Variants in PRKAR1B observed in about 807,000 individuals in gnomAD.
PRKAR1B encodes the protein cAMP-dependent protein kinase type I-beta regulatory subunit.
In PRKAR1B, 22 loss-of-function variants were observed where a neutral mutation model predicts 46.5. The observed-to-expected ratio is 0.47, with a 90% CI of 0.34 to 0.68. PRKAR1B has a LOEUF of 0.68. Among genes scored for constraint, PRKAR1B ranks in the 30% least tolerant of loss-of-function variants. PRKAR1B has a pLI of 0.01. For missense variants in PRKAR1B, 445 were observed against 535.6 expected, an observed-to-expected ratio of 0.83 and a Z score of 1.67; for synonymous variants, 259 against 217.7, an observed-to-expected ratio of 1.19 and a Z score of -1.67.
chr7:669,657 G>A (rs997593387), intron 4 of PRKAR1B, among the ~76,000 whole-genome samples: 7 of 151,494 alleles, frequency 4.6e-5, no homozygotes, highest in Admixed American at 2.0e-4. Flanking sequence ...TCAGCTACTC[G>A]GGAGGCTGAG....
intron 4 of PRKAR1B, among the ~76,000 whole-genome samples, chr7:627,452 CAT>C (rs1408295623): frequency 9.2e-5 from 14 of 152,228 alleles, no homozygotes; most frequent in Non-Finnish European, 1.8e-4. Flanking sequence ...GAGACTAACT[CAT>C]GACTCCCCCA....
chr7:718,255 TACACACACACACACACACACACAC>T (rs35563369), intron 1 of PRKAR1B, among the ~76,000 whole-genome samples: 2 of 139,992 alleles, frequency 1.4e-5, no homozygotes, highest in African/African-American at 5.5e-5. Context: ...GCTTTATAGA[TACACACACACACACACACACACAC>T]ACACACACAC....
chr7:673,045 T>TAAAAAAAAAAA lies in PRKAR1B; in HGVS notation c.440+4173_440+4183dup, dbSNP rs992683667. 5.3e-4 allele frequency among the ~76,000 whole-genome samples: 14 copies of TAAAAAAAAAAA among 26,550 alleles called. 2 individuals are homozygous for TAAAAAAAAAAA. Among genetic ancestry groups the TAAAAAAAAAAA allele is most frequent in the South Asian group, 7.2e-3 (2 of 276 alleles). 17.4% of individuals were successfully genotyped at this position (26,550 alleles called of 152,430 possible). A position where few individuals can be genotyped will look rare whatever the true frequency, so the allele number is the denominator to read the frequency against. ...GGGTGAGAGAGTAAGGCCTTGTCTT[T>TAAAAAAAAAAA]AAAAAAAAAAAAAAAAAAAAAAAAA... On this transcript the variant is annotated intron_variant, in intron 4 of 10. Coordinates refer to ENST00000537384, the MANE Select transcript of PRKAR1B (RefSeq NM_001164760.2).
chr7:554,564 A>C (rs1778295843), intron 9 of PRKAR1B, among the ~76,000 whole-genome samples: 1 of 152,176 alleles, frequency 6.6e-6, no homozygotes, highest in Non-Finnish European at 1.5e-5. Context: ...GTAAGGTCTA[A>C]TAAAGGCCAC....
rs535126845 is a variant in PRKAR1B, at chr7:557,494, G to A, written c.892-6024C>T. On this transcript the variant is annotated intron_variant, in intron 9 of 10. Transcript: ENST00000537384. ...GTGACAGTCCCCGTCCTGTGCCTGC[G>A]CACCCATGGACATCTGTGCCAGATG... is the stretch of plus-strand genomic sequence containing the variant. Among the ~76,000 whole-genome samples the A allele has an allele frequency of 1.8e-4, 28 of 152,298 alleles. No homozygotes were observed. In the East Asian group the frequency reaches 2.1e-3, roughly 12 times the overall value.
chr7:602,655 G>A lies in PRKAR1B; in HGVS notation c.549+3538C>T, dbSNP rs561594461. Reference sequence around the variant, plus strand: ...TGAGGACAAGCCCGGGGCGTGGGTGGTGGGCGTTTCCTCTGTGGGGTGGAC... The same window carrying A: ...TGAGGACAAGCCCGGGGCGTGGGTGATGGGCGTTTCCTCTGTGGGGTGGAC... On this transcript the variant is annotated intron_variant, in intron 6 of 10. Coordinates refer to ENST00000537384, the MANE Select transcript of PRKAR1B (RefSeq NM_001164760.2). This position sits in a 1 kb window ranked among gnomAD's most constrained non-coding sequence, Gnocchi z 6.4. 10 of 170,240 alleles carry A rather than the reference G, an allele frequency of 5.9e-5. No homozygotes were observed. In the South Asian group the frequency reaches 1.9e-3, roughly 33 times the overall value. The allele number at this position is 170,240 out of a possible 1,614,324, so 10.5% of individuals were successfully genotyped here.
chr7:622,182 C>T (rs372649183), intron 4 of PRKAR1B, among the ~76,000 whole-genome samples: 3 of 152,332 alleles, frequency 2.0e-5, no homozygotes, highest in African/African-American at 2.4e-5. Context: ...TTCTCAGAGC[C>T]GAGGCCACCT....
intron 4 of PRKAR1B, among the ~76,000 whole-genome samples, chr7:609,584 C>T (rs929754441): frequency 3.6e-4 from 55 of 152,202 alleles, no homozygotes; most frequent in Non-Finnish European, 1.2e-4. Flanking sequence ...CCGTGAAAAG[C>T]GTGCATTTCC....
At chr7:634,072 C>G (rs1783905979) in intron 4 of PRKAR1B, among the ~76,000 whole-genome samples, 1 of 152,084 alleles carries the variant, frequency 6.6e-6, no homozygotes, top group Non-Finnish European at 1.5e-5. Flanking sequence ...TCCCAGGCTG[C>G]AGTGCAATGG....
Position 588,520 on chromosome 7 carries a change from TGGTGGTGAC to T in PRKAR1B, c.709-3961_709-3953del, listed in dbSNP as rs1583255556. Among the ~76,000 whole-genome samples the T allele has an allele frequency of 2.0e-3, 253 of 125,836 alleles. 9 individuals carry two copies. The highest frequency in any genetic ancestry group is 4.0e-3 in the Middle Eastern group (1 of 250). 82.6% of individuals were successfully genotyped at this position (125,836 alleles called of 152,430 possible). ...ATAGTGACAGTGGTGATCACGATGA[TGGTGGTGAC>T]GGTGGTGATGGTGGTGACGGTGGTG... is the stretch of plus-strand genomic sequence containing the variant. On this transcript the variant is annotated intron_variant, in intron 7 of 10. Transcript: ENST00000537384.
At chr7:680,827 G>T (rs1778639396) in intron 2 of PRKAR1B, 101 bp from the exon 3 acceptor site, 9 of 1,374,420 alleles carry the variant, frequency 6.5e-6, no homozygotes, top group Non-Finnish European at 9.0e-6. Context: ...GAGGACTAGT[G>T]GGAGGATCGC....
chr7:662,146 C>A (rs1785616326), intron 4 of PRKAR1B, among the ~76,000 whole-genome samples: 1 of 112,448 alleles, frequency 8.9e-6, no homozygotes, highest in African/African-American at 3.7e-5. Flanking sequence ...CTCTTTCCCT[C>A]CATGGCACAG....
chr7:697,994 TGGAGGGGAGGGGAGGGGAGGGAAGGGAGC>T (rs1562349360), intron 2 of PRKAR1B, among the ~76,000 whole-genome samples: 1 of 15,484 alleles, frequency 6.5e-5, no homozygotes, highest in Non-Finnish European at 1.1e-4. Flanking sequence ...CGGAGGGGAG[TGGAGGGGAGGGGAGGGGAGGGAAGGGAGC>T]GGAGGGGAGG....
At chr7:588,340 T>C (rs187773631) in intron 7 of PRKAR1B, among the ~76,000 whole-genome samples, 1 of 152,326 alleles carries the variant, frequency 6.6e-6, no homozygotes, top group African/African-American at 2.4e-5. Flanking sequence ...AATGAGACCA[T>C]AAAAATCCCT....
rs1462888355 is a variant in PRKAR1B at position 666,053 on chromosome 7, C to T, written c.440+11176G>A. On this transcript the variant is annotated intron_variant, in intron 4 of 10. Transcript: ENST00000537384. This position sits in a 1 kb window ranked among gnomAD's most constrained non-coding sequence, Gnocchi z 4.9. ...CTGGCAGCTCCAGTAATGAGGTCCC[C>T]GCCGGAGGCCCAACGCACAACACAA... 2.6e-5 allele frequency among the ~76,000 whole-genome samples: 4 copies of T among 152,176 alleles called. No homozygotes were observed. Among genetic ancestry groups the T allele is most frequent in the South Asian group, 2.1e-4 (1 of 4,834 alleles).
At chr7:684,875 GAC>G (rs142305067) in intron 2 of PRKAR1B, among the ~76,000 whole-genome samples, 125 of 145,020 alleles carry the variant, frequency 8.6e-4, no homozygotes, top group Non-Finnish European at 8.7e-4. Context: ...ACTTCACACA[GAC>G]ACACACACAC....
At chr7:615,283 G>C (rs1289104893) in intron 4 of PRKAR1B, among the ~76,000 whole-genome samples, 1 of 150,930 alleles carries the variant, frequency 6.6e-6, no homozygotes, top group East Asian at 2.0e-4. Context: ...AAATTGGCTG[G>C]GCATGGTGAT....
chr7:597,554 C>T (rs951811097), intron 6 of PRKAR1B, among the ~76,000 whole-genome samples: 3 of 152,234 alleles, frequency 2.0e-5, no homozygotes, highest in Non-Finnish European at 4.4e-5. Context: ...AGAAGACGGC[C>T]GTCCTTCCAC....
At position 602,290 on chromosome 7, in the gene PRKAR1B, A is replaced by AG. The variant is rs67969471; in HGVS notation, c.549+3902dup. On this transcript the variant is annotated intron_variant, in intron 6 of 10. Coordinates refer to ENST00000537384, the MANE Select transcript of PRKAR1B (RefSeq NM_001164760.2). This position sits in a 1 kb window ranked among gnomAD's most constrained non-coding sequence, Gnocchi z 6.4. ...AGGAGTTACAGACGGCGGCGGGGGG[A>AG]GGGGGGGTCTGTCCTGCTGGAAGGA... Among the ~76,000 whole-genome samples the AG allele has an allele frequency of 2.9e-5, 4 of 140,082 alleles. No individual in the cohort carries two copies. Among genetic ancestry groups the AG allele is most frequent in the African/African-American group, 7.9e-5 (3 of 37,980 alleles). 91.9% of individuals were successfully genotyped at this position (140,082 alleles called of 152,430 possible).
Sources: gnomAD v4.1 joint callset for allele counts (sites outside exome capture counted in the v4.1 genomes callset) on GRCh38, gnomAD v4.1.1 for gene constraint, Gnocchi (gnomAD v3.1) non-coding constraint, MANE v1.5 for transcripts, NCBI Gene and HGNC (gene_info 2026-07-23, HGNC 2026-07-21) for gene names.